The following DCST2 variants were observed in gnomAD, a reference collection of about 807,000 sequenced individuals.
DCST2 encodes DC-STAMP domain containing 2.
A neutral mutation model predicts 81.8 loss-of-function variants in DCST2; 64 were observed. The ratio of observed to expected loss-of-function variants is 0.78; its 90% CI spans 0.64 to 0.96. The LOEUF (loss-of-function observed/expected upper bound fraction) is 0.96. Ranked by LOEUF, DCST2 falls within the 40% of genes least tolerant of loss-of-function variation. The pLI is 0.00. For synonymous variants in DCST2, 354 were observed against 402.6 expected (o/e 0.88, Z 1.44); for missense variants, 945 against 1,001.4 (o/e 0.94, Z 0.76).
Position 155,033,688 on chromosome 1 carries a change from A to G in DCST2, c.14T>C (p.Met5Thr). The G allele has an allele frequency of 6.2e-7, 1 of 1,613,572 alleles. No individual in the cohort carries two copies. Among genetic ancestry groups the G allele is most frequent in the Non-Finnish European group, 8.5e-7 (1 of 1,179,638 alleles). The change falls in exon 1 of 15, where the codon ATG becomes ACG. Residue 5 changes from methionine (M) to threonine (T), a missense_variant. By Grantham distance (81) the Met-to-Thr change is moderately conservative (BLOSUM62 -1). Coordinates refer to ENST00000368424, the MANE Select transcript of DCST2 (RefSeq NM_144622.3). MPKVMKDVVHPLGGE... is the reference protein window; with the variant it reads MPKVTKDVVHPLGGE... ...CCCCAAGGGGTGCACAACATCCTTC[A>G]TGACTTTGGGCATGGCTGCTGAGAC...
rs1220072682 is a variant in DCST2 at position 155,031,237 on chromosome 1, G to A, written c.740-3C>T. 3.8e-6 allele frequency: 6 copies of A among 1,573,542 alleles called. No individual in the cohort carries two copies. Among genetic ancestry groups the A allele is most frequent in the Non-Finnish European group, 5.2e-6 (6 of 1,159,070 alleles). ...GATGACGCAGAACACCTGGACCACT[G>A]AGGGGCGGAGTCGGCTGAGTGTCGG... On this transcript the variant is annotated splice_polypyrimidine_tract_variant and splice_region_variant and intron_variant, in intron 4 of 14. Coordinates refer to ENST00000368424, the MANE Select transcript of DCST2 (RefSeq NM_144622.3).
At position 155,018,850 on chromosome 1, in the gene DCST2, A is replaced by T; in HGVS notation, c.2106-90T>A. The T allele has an allele frequency of 5.4e-6, 7 of 1,307,340 alleles. No homozygotes were observed. In the South Asian group the frequency reaches 9.1e-5, roughly 17 times the overall value. 81.0% of individuals were successfully genotyped at this position (1,307,340 alleles called of 1,614,324 possible). A position where few individuals can be genotyped will look rare whatever the true frequency, so the allele number is the denominator to read the frequency against. ...CCCCTGCCCTGCCCCATCTGTTCAGATCCAGCTCCTGTTCTTTCTGAGCAA... is the reference window on the plus strand; with the variant it reads ...CCCCTGCCCTGCCCCATCTGTTCAGTTCCAGCTCCTGTTCTTTCTGAGCAA... On this transcript the variant is annotated intron_variant, in intron 14 of 14. Transcript: ENST00000368424.
chr1:155,023,388 T>C lies in DCST2; in HGVS notation c.1940A>G (p.Tyr647Cys), dbSNP rs779856965. ...CAGCTCCAGGTCCAGGTCCCCCTGG[T>C]AGGAGAGGGGAGATGCACACACGGA... Reference protein sequence around the residue: ...TCSVCASPLSYQGDLDLELDS... With the variant: ...TCSVCASPLSCQGDLDLELDS... The change falls in exon 13 of 15, where the codon TAC becomes TGC. Residue 647 changes from tyrosine (Y) to cysteine (C), a missense_variant. Tyr to Cys is a radical substitution (Grantham distance 194). Coordinates refer to ENST00000368424, the MANE Select transcript of DCST2 (RefSeq NM_144622.3). 4.4e-6 allele frequency: 7 copies of C among 1,608,398 alleles called. No homozygotes were observed. In the South Asian group the frequency reaches 4.4e-5, roughly 10 times the overall value.
At chr1:155,027,531 T>C (rs1034318062) in intron 8 of DCST2, among the ~76,000 whole-genome samples, 1 of 150,910 alleles carries the variant, frequency 6.6e-6, no homozygotes, top group African/African-American at 2.4e-5. Flanking sequence ...TTTTGGTTTT[T>C]GTTTTTTAGG....
intron 5 of DCST2, chr1:155,030,905 T>C (rs1054391023): frequency 1.7e-6 from 1 of 604,874 alleles, no homozygotes; most frequent in Non-Finnish European, 2.9e-6. Flanking sequence ...GACCTGAGTG[T>C]GGACCTGAAT....
intron 14 of DCST2, among the ~76,000 whole-genome samples, chr1:155,021,864 CTT>C (rs750751363): frequency 1.4e-4 from 20 of 142,934 alleles, no homozygotes; most frequent in Admixed American, 1.4e-4. Context: ...TGCTTATGGT[CTT>C]TTTTTTTTTT....
At chr1:155,033,044 G>T (rs1302683757) in intron 2 of DCST2, 50 bp downstream of exon 2, 3 of 1,481,496 alleles carry the variant, frequency 2.0e-6, no homozygotes, top group Non-Finnish European at 2.7e-6. Context: ...TGCAGGATGA[G>T]GGGGGCGAGG....
intron 10 of DCST2, among the ~76,000 whole-genome samples, chr1:155,025,585 C>A (rs1332071297): frequency 6.6e-6 from 1 of 152,128 alleles, no homozygotes; most frequent in African/African-American, 2.4e-5. Context: ...CCTCGGCCTC[C>A]TAAAGTGCTG....
chr1:155,031,012 C>T, intron 5 of DCST2, 157 bp downstream of exon 5: 1 of 798,522 alleles, frequency 1.3e-6, no homozygotes, highest in Non-Finnish European at 2.0e-6. Flanking sequence ...CTGATCTGTA[C>T]AGCATGGATA....
Position 155,031,133 on chromosome 1 carries a change from A to G in DCST2, c.805+36T>C, listed in dbSNP as rs572091724. On this transcript the variant is annotated intron_variant, in intron 5 of 14. Coordinates refer to ENST00000368424, the MANE Select transcript of DCST2 (RefSeq NM_144622.3). ...ACCGGGATGAGGGAGGGAGACCACT[A>G]GGGAGCACCATATGTGGCAGGAGGG... 10 of 1,576,360 alleles carry G rather than the reference A, an allele frequency of 6.3e-6. No homozygotes were observed. The South Asian group carries it at 1.1e-4, about 17-fold the overall frequency.
intron 5 of DCST2, 52 bp downstream of exon 5, chr1:155,031,117 A>G: frequency 6.4e-7 from 1 of 1,550,912 alleles, no homozygotes; most frequent in Non-Finnish European, 8.7e-7. Flanking sequence ...CACCGGGATG[A>G]GGGAGGGAGA....
intron 10 of DCST2, among the ~76,000 whole-genome samples, chr1:155,025,226 C>G (rs1305353070): frequency 6.6e-6 from 1 of 151,766 alleles, no homozygotes; most frequent in Non-Finnish European, 1.5e-5. Context: ...TCTGGTTCAT[C>G]TTGGCATCCT....
At chr1:155,033,021 G>C in intron 2 of DCST2, 73 bp downstream of exon 2, 1 of 1,445,266 alleles carries the variant, frequency 6.9e-7, no homozygotes. Context: ...GGAGGCCAAA[G>C]GACTGTAGAA....
intron 8 of DCST2, 109 bp downstream of exon 8, chr1:155,029,124 G>C: frequency 7.5e-7 from 1 of 1,339,950 alleles, no homozygotes; most frequent in South Asian, 1.3e-5. Flanking sequence ...GCAGTCACCA[G>C]GACTGAGGAT....
intron 14 of DCST2, among the ~76,000 whole-genome samples, chr1:155,020,925 TGA>T (rs1659735096): frequency 6.6e-6 from 1 of 151,104 alleles, no homozygotes; most frequent in African/African-American, 2.5e-5. Flanking sequence ...CTGGCTCAAG[TGA>T]TCCCTCCCAC....
chr1:155,030,098 C>A lies in DCST2; in HGVS notation c.1163G>T (p.Arg388Leu). The A allele has an allele frequency of 1.2e-6, 2 of 1,613,566 alleles. No individual in the cohort carries two copies. Among genetic ancestry groups the A allele is most frequent in the Non-Finnish European group, 1.7e-6 (2 of 1,179,988 alleles). ...VLPLSAHEAR[R>L]YIPPGSIFLS... ...AGGGCCCTCACCCGGTGGGATGTAGCGCCTGGCCTCGTGAGCACTGAGCGG... is the reference window on the plus strand; with the variant it reads ...AGGGCCCTCACCCGGTGGGATGTAGAGCCTGGCCTCGTGAGCACTGAGCGG... Residue 388 changes from arginine (R) to leucine (L), a missense_variant, in exon 7 of 15, where the codon CGC becomes CTC. Arg to Leu is a moderately radical substitution (Grantham distance 102). Transcript: ENST00000368424.
rs376516711 is a variant in DCST2, at chr1:155,031,617, G to A, written c.696C>T (p.Tyr232=). The part of the protein sequence containing the change: ...MVIPQAYHLC[Y]VLMPFKLALC... ...GCGCCAGTTTGAAGGGCATGAGCAC[G>A]TAACACAGGTGGTAGGCTTGTGGTA... Residue 232 remains tyrosine (Y), a synonymous_variant, in exon 4 of 15, where the codon TAC becomes TAT. Transcript: ENST00000368424. 1.3e-5 allele frequency: 21 copies of A among 1,588,996 alleles called. No homozygotes were observed. In the Admixed American group the frequency reaches 1.5e-4, roughly 12 times the overall value.
intron 13 of DCST2, 42 bp downstream of exon 13, chr1:155,023,322 C>T (rs1370083514): frequency 1.9e-6 from 3 of 1,611,514 alleles, no homozygotes; most frequent in African/African-American, 1.3e-5. Flanking sequence ...ACTTCCACTG[C>T]CCCTACAGAC....
intron 14 of DCST2, among the ~76,000 whole-genome samples, chr1:155,019,960 G>A (rs947928394): frequency 1.3e-5 from 2 of 152,160 alleles, no homozygotes; most frequent in Admixed American, 6.5e-5. Flanking sequence ...TGCCTGCTCT[G>A]CTCTCTCAGC....
Sources: gnomAD v4.1 joint callset for allele counts (sites outside exome capture counted in the v4.1 genomes callset) on GRCh38, gnomAD v4.1.1 for gene constraint, MANE v1.5 for transcripts, NCBI Gene and HGNC (gene_info 2026-07-23, HGNC 2026-07-21) for gene names.